SPOCK1: variants seen among roughly 807,000 people sequenced by gnomAD.
SPOCK1 encodes testican-1.
In SPOCK1, 23 loss-of-function variants were observed where a neutral mutation model predicts 55.3. That is an observed-to-expected ratio of 0.42 (90% CI 0.30 to 0.59). SPOCK1 has a LOEUF of 0.59. Ranked by LOEUF, SPOCK1 falls within the 20% of genes least tolerant of loss-of-function variation. The pLI is 0.22. For synonymous variants in SPOCK1, 226 were observed against 221.0 expected, an observed-to-expected ratio of 1.02 and a Z score of -0.20; for missense variants, 499 against 552.5, an observed-to-expected ratio of 0.90 and a Z score of 0.97.
chr5:136,983,599 G>A (rs1400455308), intron 9 of SPOCK1, among the ~76,000 whole-genome samples: 1 of 137,770 alleles, frequency 7.3e-6, no homozygotes, highest in African/African-American at 2.6e-5. Flanking sequence ...AACATGTAGA[G>A]AGCTGGCTCC....
chr5:137,140,909 G>A (rs895787946), intron 3 of SPOCK1, among the ~76,000 whole-genome samples: 7 of 151,778 alleles, frequency 4.6e-5, no homozygotes, highest in South Asian at 2.1e-4. Context: ...AAAGGTGCAC[G>A]CCACCATACC....
intron 6 of SPOCK1, chr5:136,993,129 G>A (rs1374607872): frequency 6.6e-6 from 1 of 152,310 alleles, no homozygotes; most frequent in Non-Finnish European, 1.5e-5. Context: ...CCTTCCAGTG[G>A]TCTCATTCTT....
At chr5:137,382,861 A>C (rs1157362218) in intron 2 of SPOCK1, among the ~76,000 whole-genome samples, 1 of 152,256 alleles carries the variant, frequency 6.6e-6, no homozygotes, top group Non-Finnish European at 1.5e-5. Flanking sequence ...CCTTAAAAAG[A>C]AAGCCTGTGA....
chr5:137,314,657 T>G (rs1561501970), intron 2 of SPOCK1, among the ~76,000 whole-genome samples: 1 of 152,202 alleles, frequency 6.6e-6, no homozygotes, highest in Non-Finnish European at 1.5e-5. Flanking sequence ...TGTCTATTGT[T>G]TATCCACAGC....
At chr5:137,284,709 T>G (rs1757230531) in intron 2 of SPOCK1, among the ~76,000 whole-genome samples, 1 of 152,122 alleles carries the variant, frequency 6.6e-6, no homozygotes, top group Non-Finnish European at 1.5e-5. Flanking sequence ...GTAAGACCCA[T>G]CCTTAGTCTC....
At chr5:137,451,441 CA>C (rs1753253527) in intron 2 of SPOCK1, among the ~76,000 whole-genome samples, 1 of 152,202 alleles carries the variant, frequency 6.6e-6, no homozygotes, top group African/African-American at 2.4e-5. Flanking sequence ...GGACACCTGT[CA>C]CTTCCTTTTC....
intron 2 of SPOCK1, among the ~76,000 whole-genome samples, chr5:137,454,600 A>G (rs902208149): frequency 8.5e-5 from 13 of 152,184 alleles, no homozygotes; most frequent in South Asian, 2.1e-4. Context: ...TATTCCAGCA[A>G]TGTTTGAGAG....
At chr5:137,450,649 G>T (rs534074969) in intron 2 of SPOCK1, among the ~76,000 whole-genome samples, 1 of 152,104 alleles carries the variant, frequency 6.6e-6, no homozygotes, top group African/African-American at 2.4e-5. Flanking sequence ...AAATTATGTA[G>T]ACAGTCCTTA....
At chr5:137,308,671 T>C (rs1356608323) in intron 2 of SPOCK1, among the ~76,000 whole-genome samples, 1 of 152,190 alleles carries the variant, frequency 6.6e-6, no homozygotes, top group Non-Finnish European at 1.5e-5. Flanking sequence ...AGCTCTTTCA[T>C]CTCCTGTGTA....
chr5:137,238,913 T>C (rs1043744267), intron 3 of SPOCK1, among the ~76,000 whole-genome samples: 8 of 152,244 alleles, frequency 5.3e-5, no homozygotes, highest in Admixed American at 4.6e-4. Context: ...TTGGTCTTCA[T>C]TCCTGATTTG....
intron 2 of SPOCK1, among the ~76,000 whole-genome samples, chr5:137,381,789 A>G (rs1751476403): frequency 6.6e-6 from 1 of 152,178 alleles, no homozygotes. Flanking sequence ...GGCTGCCACA[A>G]AGGTATCTGA....
At chr5:137,333,956 C>T (rs1429908849) in intron 2 of SPOCK1, among the ~76,000 whole-genome samples, 1 of 152,106 alleles carries the variant, frequency 6.6e-6, no homozygotes, top group Non-Finnish European at 1.5e-5. Context: ...ACATCATGTC[C>T]AATGCATCAC....
intron 6 of SPOCK1, among the ~76,000 whole-genome samples, chr5:137,055,778 T>C (rs1358991987): frequency 1.3e-5 from 2 of 151,972 alleles, no homozygotes; most frequent in Non-Finnish European, 2.9e-5. Context: ...GTCAGGGAGG[T>C]GGGCTGTAGG....
chr5:137,056,835 C>T (rs529327136), intron 6 of SPOCK1, among the ~76,000 whole-genome samples: 1 of 152,194 alleles, frequency 6.6e-6, no homozygotes, highest in Admixed American at 6.5e-5. Flanking sequence ...TGAGAGGAGA[C>T]AGGCACATGT....
At chr5:137,240,217 A>G (rs969442030) in intron 3 of SPOCK1, among the ~76,000 whole-genome samples, 7 of 152,212 alleles carry the variant, frequency 4.6e-5, no homozygotes, top group Non-Finnish European at 8.8e-5. Flanking sequence ...CCATTCTTGC[A>G]TTGCTATAAA....
At chr5:137,192,198 A>C (rs1179415702) in intron 3 of SPOCK1, among the ~76,000 whole-genome samples, 1 of 138,774 alleles carries the variant, frequency 7.2e-6, no homozygotes, top group Non-Finnish European at 1.5e-5. Context: ...ACACCACTGC[A>C]CTCCAGCCTG....
chr5:137,482,490 A>G (rs923317509), intron 2 of SPOCK1, among the ~76,000 whole-genome samples: 22 of 152,260 alleles, frequency 1.4e-4, no homozygotes, highest in Non-Finnish European at 2.6e-4. Flanking sequence ...ATGTATATTG[A>G]CCATCTAGAG....
intron 3 of SPOCK1, among the ~76,000 whole-genome samples, chr5:137,181,751 T>A (rs982741975): frequency 8.5e-5 from 13 of 152,234 alleles, no homozygotes; most frequent in African/African-American, 2.4e-4. Context: ...TGTAAGCTAA[T>A]CTTGCCACCA....
chr5:137,498,295 CACACA>C, intron 2 of SPOCK1, 73 bp downstream of exon 2: 1 of 1,390,170 alleles, frequency 7.2e-7, no homozygotes, highest in South Asian at 1.5e-5. Flanking sequence ...CACACACACA[CACACA>C]CCCCAACCCC....
Sources: allele counts gnomAD v4.1 joint callset (sites outside exome capture counted in the v4.1 genomes callset), GRCh38; gene constraint gnomAD v4.1.1; transcripts MANE v1.5; gene names NCBI Gene and HGNC (gene_info 2026-07-23, HGNC 2026-07-21).